SLC39A10: variants seen among roughly 807,000 people sequenced by gnomAD.
The protein encoded by SLC39A10 is zinc transporter ZIP10.
Under a neutral mutation model 65.1 loss-of-function variants are expected in SLC39A10, and 13 were observed. That is an observed-to-expected ratio of 0.20 (90% CI 0.13 to 0.32). The LOEUF (loss-of-function observed/expected upper bound fraction) is 0.32, where lower values mean the gene tolerates loss of function less well. Among genes scored for constraint, SLC39A10 ranks in the 10% least tolerant of loss-of-function variants. The pLI, the probability that SLC39A10 is intolerant of heterozygous loss-of-function variation, is 1.00. For synonymous variants in SLC39A10, 321 were observed against 342.2 expected, an observed-to-expected ratio of 0.94 and a Z score of 0.68; for missense variants, 831 against 1,018.4, an observed-to-expected ratio of 0.82 and a Z score of 2.50.
At chr2:195,642,532 T>C (rs149532063) in intron 2 of SLC39A10, among the ~76,000 whole-genome samples, 116 of 152,330 alleles carry the variant, frequency 7.6e-4, no homozygotes, top group African/African-American at 2.6e-3. Context: ...AACATTTGCA[T>C]GTGAAACAGA....
intron 2 of SLC39A10, among the ~76,000 whole-genome samples, chr2:195,623,103 A>C (rs1688385495): frequency 6.6e-6 from 1 of 152,178 alleles, no homozygotes; most frequent in Non-Finnish European, 1.5e-5. Context: ...ACCTAGGCTA[A>C]GTCAGCTAAG....
At chr2:195,671,547 CATAAT>C (rs771094671) in intron 1 of SLC39A10, 10 of 152,294 alleles carry the variant, frequency 6.6e-5, no homozygotes, top group African/African-American at 1.2e-4. Context: ...ACACAAGAGA[CATAAT>C]AGAATATTTT....
chr2:195,700,783 T>C (rs1691146890), intron 3 of SLC39A10, among the ~76,000 whole-genome samples: 1 of 152,216 alleles, frequency 6.6e-6, no homozygotes, highest in Non-Finnish European at 1.5e-5. Context: ...AGAAATCTGC[T>C]TGTAATCTTA....
intron 2 of SLC39A10, among the ~76,000 whole-genome samples, chr2:195,615,989 C>T (rs985608071): frequency 2.6e-5 from 4 of 152,136 alleles, no homozygotes; most frequent in South Asian, 2.1e-4. Context: ...AGCAGTTTCC[C>T]GGTTCGCCCA....
chr2:195,613,282 C>T (rs1688138157), intron 2 of SLC39A10, among the ~76,000 whole-genome samples: 1 of 152,052 alleles, frequency 6.6e-6, no homozygotes, highest in African/African-American at 2.4e-5. Context: ...CTCTTTTTAG[C>T]TCAAAAGGAG....
chr2:195,685,273 C>T (rs1359956319), intron 3 of SLC39A10, among the ~76,000 whole-genome samples: 1 of 152,040 alleles, frequency 6.6e-6, no homozygotes, highest in African/African-American at 2.4e-5. Flanking sequence ...CTGGTATCAC[C>T]TTTGTGATTT....
At chr2:195,657,425 G>A (rs896557834) in intron 1 of SLC39A10, 144 bp downstream of exon 1, 1 of 985,610 alleles carries the variant, frequency 1.0e-6, no homozygotes, top group African/African-American at 1.7e-5. Context: ...CGGGGATGCG[G>A]GCGCTGGGGT....
intron 2 of SLC39A10, among the ~76,000 whole-genome samples, chr2:195,617,541 GAC>G (rs1427697065): frequency 6.6e-6 from 1 of 151,708 alleles, no homozygotes; most frequent in Non-Finnish European, 1.5e-5. Context: ...CAGCCTGGGT[GAC>G]AGAGAGAGAC....
intron 2 of SLC39A10, among the ~76,000 whole-genome samples, chr2:195,631,113 G>T (rs548557654): frequency 6.6e-6 from 1 of 152,008 alleles, no homozygotes; most frequent in Admixed American, 6.6e-5. Context: ...TTGAACCCAG[G>T]GGGTGGAGGT....
At chr2:195,696,246 A>G (rs1690952718) in intron 3 of SLC39A10, among the ~76,000 whole-genome samples, 1 of 151,656 alleles carries the variant, frequency 6.6e-6, no homozygotes, top group Non-Finnish European at 1.5e-5. Context: ...TTTGTTTTTC[A>G]AGTTTATCTT....
intron 2 of SLC39A10, among the ~76,000 whole-genome samples, chr2:195,681,254 C>T (rs537916778): frequency 7.2e-5 from 11 of 152,216 alleles, no homozygotes; most frequent in Middle Eastern, 3.4e-3. Flanking sequence ...TATCCGGGCG[C>T]GGTGGCTCAC....
Position 195,736,692 on chromosome 2 carries a change from T to G in SLC39A10, c.*1651T>G, listed in dbSNP as rs1320409901. 6.6e-6 allele frequency: 1 copy of G among 152,288 alleles called. No homozygotes were observed. Among genetic ancestry groups the G allele is most frequent in the African/African-American group, 2.4e-5 (1 of 41,466 alleles). 9.4% of individuals were successfully genotyped at this position (152,288 alleles called of 1,614,324 possible). Reference sequence around the variant, plus strand: ...AGGTGTTATTTCTTTAATTTATGCTTGAATCTGAAAAATTATTTCTGACTT... The same window carrying G: ...AGGTGTTATTTCTTTAATTTATGCTGGAATCTGAAAAATTATTTCTGACTT... On this transcript the variant is annotated 3_prime_UTR_variant, in exon 10 of 10. Transcript: ENST00000359634.
At chr2:195,709,237 A>G (rs1691518842) in intron 5 of SLC39A10, among the ~76,000 whole-genome samples, 1 of 151,056 alleles carries the variant, frequency 6.6e-6, no homozygotes, top group African/African-American at 2.4e-5. Flanking sequence ...GTATGTATGT[A>G]TGTATGTATT....
intron 2 of SLC39A10, among the ~76,000 whole-genome samples, chr2:195,644,186 G>A (rs549488961): frequency 5.5e-5 from 8 of 146,280 alleles, no homozygotes; most frequent in East Asian, 2.0e-4. Flanking sequence ...GGATGGATTC[G>A]TTTTGGAATG....
At chr2:195,616,964 T>C (rs1688228995) in intron 2 of SLC39A10, among the ~76,000 whole-genome samples, 1 of 152,198 alleles carries the variant, frequency 6.6e-6, no homozygotes. Flanking sequence ...TGTTTTGTTG[T>C]TGTGTTGTTA....
intron 1 of SLC39A10, among the ~76,000 whole-genome samples, chr2:195,669,030 G>C (rs1018852496): frequency 1.3e-5 from 2 of 150,472 alleles, no homozygotes; most frequent in Admixed American, 6.6e-5. Flanking sequence ...AGCCGAGATC[G>C]TGCCACTGTG....
At chr2:195,719,451 G>C (rs554109717) in intron 8 of SLC39A10, among the ~76,000 whole-genome samples, 1 of 152,068 alleles carries the variant, frequency 6.6e-6, no homozygotes, top group East Asian at 1.9e-4. Flanking sequence ...CAGAGATAGT[G>C]CATTGAACAT....
chr2:195,722,934 T>G (rs894529828), intron 8 of SLC39A10, among the ~76,000 whole-genome samples: 1 of 152,200 alleles, frequency 6.6e-6, no homozygotes, highest in Non-Finnish European at 1.5e-5. Flanking sequence ...CTGAACAGAT[T>G]GCTGTTTTTC....
intron 2 of SLC39A10, among the ~76,000 whole-genome samples, chr2:195,649,147 AAAC>A (rs1688983351): frequency 6.6e-6 from 1 of 152,230 alleles, no homozygotes; most frequent in South Asian, 2.1e-4. Flanking sequence ...TGAAAAAACA[AAAC>A]AAAAAAAGAA....
Sources: gnomAD v4.1 joint callset for allele counts (sites outside exome capture counted in the v4.1 genomes callset) on GRCh38, gnomAD v4.1.1 for gene constraint, MANE v1.5 for transcripts, NCBI Gene and HGNC (gene_info 2026-07-23, HGNC 2026-07-21) for gene names.